The following MAGI1 variants were observed in gnomAD, a reference collection of about 807,000 sequenced individuals.
MAGI1 encodes membrane associated guanylate kinase, WW and PDZ domain containing 1.
MAGI1 carries 58 observed loss-of-function variants against 139.9 expected under a neutral mutation model. The observed-to-expected ratio is 0.41, with a 90% confidence interval of 0.34 to 0.52. The LOEUF (loss-of-function observed/expected upper bound fraction) is 0.52. MAGI1 is among the 20% of genes least tolerant of loss of function. The pLI is 0.12. For synonymous variants in MAGI1, 812 were observed against 737.9 expected, an observed-to-expected ratio of 1.10 and a Z score of -1.63; for missense variants, 1,874 against 1,901.6, an observed-to-expected ratio of 0.99 and a Z score of 0.27.
intron 1 of MAGI1, among the ~76,000 whole-genome samples, chr3:65,766,701 C>T (rs1027218140): frequency 6.6e-6 from 1 of 152,084 alleles, no homozygotes. Context: ...ACTAGCCTGG[C>T]CAATCTGGTG....
chr3:65,902,946 G>C (rs567728547), intron 1 of MAGI1: 2 of 152,526 alleles, frequency 1.3e-5, no homozygotes, highest in Non-Finnish European at 2.9e-5. Context: ...AGAACACCAA[G>C]GTCAATCCAG....
At chr3:66,024,562 T>G (rs956453322) in intron 1 of MAGI1, among the ~76,000 whole-genome samples, 1 of 152,156 alleles carries the variant, frequency 6.6e-6, no homozygotes, top group Non-Finnish European at 1.5e-5. Flanking sequence ...ATCCCAGCAC[T>G]TTGGGAGGCC....
At chr3:65,785,236 G>C (rs145462869) in intron 1 of MAGI1, among the ~76,000 whole-genome samples, 1 of 152,084 alleles carries the variant, frequency 6.6e-6, no homozygotes, top group South Asian at 2.1e-4. Context: ...GTATTTGTAG[G>C]AGAAGCATAT....
At chr3:66,005,454 T>G (rs950382914) in intron 1 of MAGI1, among the ~76,000 whole-genome samples, 1 of 152,214 alleles carries the variant, frequency 6.6e-6, no homozygotes, top group Non-Finnish European at 1.5e-5. Context: ...ACCATTCCCA[T>G]CAGGATAATA....
chr3:65,646,653 T>A (rs1456441337), intron 1 of MAGI1, among the ~76,000 whole-genome samples: 1 of 151,996 alleles, frequency 6.6e-6, no homozygotes. Context: ...TTGTGTATGA[T>A]AAAACAAATC....
intron 1 of MAGI1, among the ~76,000 whole-genome samples, chr3:65,884,750 A>G (rs556553000): frequency 1.5e-4 from 23 of 152,086 alleles, no homozygotes; most frequent in Non-Finnish European, 3.2e-4. Context: ...CCATCTCTCC[A>G]TCCCCACTTT....
intron 4 of MAGI1, among the ~76,000 whole-genome samples, chr3:65,471,323 G>A (rs936596780): frequency 2.6e-5 from 4 of 152,150 alleles, no homozygotes; most frequent in Non-Finnish European, 5.9e-5. Context: ...AATCTCCACA[G>A]GGCTTTAAAA....
intron 1 of MAGI1, among the ~76,000 whole-genome samples, chr3:65,904,608 G>T (rs2061364850): frequency 6.6e-6 from 1 of 152,130 alleles, no homozygotes. Context: ...CCTCAGCCCA[G>T]AATGCCCTTT....
At chr3:65,845,178 G>A (rs1007352306) in intron 1 of MAGI1, among the ~76,000 whole-genome samples, 1 of 151,960 alleles carries the variant, frequency 6.6e-6, no homozygotes, top group Non-Finnish European at 1.5e-5. Flanking sequence ...TTGAACCCAG[G>A]AGGCGGCGGT....
chr3:65,358,326 G>A (rs1575591032), intron 22 of MAGI1, among the ~76,000 whole-genome samples: 1 of 152,236 alleles, frequency 6.6e-6, no homozygotes, highest in East Asian at 1.9e-4. Flanking sequence ...GCAGTCTGGA[G>A]GGCAGACTTG....
intron 1 of MAGI1, among the ~76,000 whole-genome samples, chr3:65,917,564 A>G (rs970460992): frequency 2.4e-4 from 36 of 152,358 alleles, no homozygotes; most frequent in African/African-American, 7.7e-4. Context: ...AATGGATAAA[A>G]GAACTATGGT....
intron 1 of MAGI1, among the ~76,000 whole-genome samples, chr3:65,982,049 T>C (rs2065610932): frequency 6.6e-6 from 1 of 152,158 alleles, no homozygotes; most frequent in African/African-American, 2.4e-5. Flanking sequence ...TAAAACACTT[T>C]CTCCCCTTGC....
chr3:65,792,845 A>C (rs2108077928), intron 1 of MAGI1, among the ~76,000 whole-genome samples: 1 of 152,276 alleles, frequency 6.6e-6, no homozygotes, highest in African/African-American at 2.4e-5. Context: ...GACCGTGTAT[A>C]ACTGACACCA....
rs35498262 is a variant in MAGI1, at chr3:65,912,236, CA to C, written c.313+125759del. ...TGGAAAACAAAGAAAACTCTGATCT[CA>C]AAAAAAAAAAAAAAAGAGTTCTGCT... On this transcript the variant is annotated intron_variant, in intron 1 of 22. Coordinates refer to ENST00000402939, the MANE Select transcript of MAGI1 (RefSeq NM_001033057.2). 9.3e-3 allele frequency among the ~76,000 whole-genome samples: 1,223 copies of C among 130,908 alleles called. 11 individuals are homozygous for C. The highest frequency in any genetic ancestry group is 0.026 in the African/African-American group (935 of 36,292). The allele number at this position is 130,908 out of a possible 152,430, so 85.9% of individuals were successfully genotyped here. A position where few individuals can be genotyped will look rare whatever the true frequency, so the allele number is the denominator to read the frequency against.
chr3:65,985,135 G>C (rs557501092), intron 1 of MAGI1, among the ~76,000 whole-genome samples: 10 of 152,166 alleles, frequency 6.6e-5, no homozygotes, highest in Non-Finnish European at 1.5e-5. Context: ...TGTGAGGAGC[G>C]AGATAGCCAT....
chr3:65,845,717 G>GTTAA (rs1450820405), intron 1 of MAGI1, among the ~76,000 whole-genome samples: 2 of 152,158 alleles, frequency 1.3e-5, no homozygotes, highest in African/African-American at 4.8e-5. Context: ...ACTCCCATGT[G>GTTAA]GCAGCTCTTA....
At chr3:65,580,106 A>T (rs1289646909) in intron 2 of MAGI1, among the ~76,000 whole-genome samples, 1 of 152,188 alleles carries the variant, frequency 6.6e-6, no homozygotes, top group Non-Finnish European at 1.5e-5. Flanking sequence ...TTAAAAAGAA[A>T]AATGTATCTG....
At chr3:65,706,455 C>T (rs775260128) in intron 1 of MAGI1, among the ~76,000 whole-genome samples, 1 of 152,168 alleles carries the variant, frequency 6.6e-6, no homozygotes, top group Non-Finnish European at 1.5e-5. Context: ...CAAATGTGCG[C>T]CCAGCACCTC....
At chr3:65,870,400 G>C (rs893383274) in intron 1 of MAGI1, among the ~76,000 whole-genome samples, 1 of 152,008 alleles carries the variant, frequency 6.6e-6, no homozygotes, top group Non-Finnish European at 1.5e-5. Context: ...CATGCACCCT[G>C]ATCTCTTCTC....
Sources: allele counts gnomAD v4.1 joint callset (sites outside exome capture counted in the v4.1 genomes callset), GRCh38; gene constraint gnomAD v4.1.1; transcripts MANE v1.5; gene names NCBI Gene and HGNC (gene_info 2026-07-23, HGNC 2026-07-21).